AKAP6: variants seen among roughly 807,000 people sequenced by gnomAD.
AKAP6 encodes A-kinase anchor protein 6.
A neutral mutation model predicts 188.5 loss-of-function variants in AKAP6; 58 were observed. The observed-to-expected ratio is 0.31, with a 90% CI of 0.25 to 0.38. The LOEUF is 0.38. Ranked by LOEUF, AKAP6 falls within the 10% of genes least tolerant of loss-of-function variation. The probability of loss-of-function intolerance (pLI) is 1.00; values close to 1 mark genes in which losing one functional copy is unlikely to be tolerated. For synonymous variants in AKAP6, 989 were observed against 998.6 expected (o/e 0.99, Z 0.18); for missense variants, 2,710 against 2,740.0 (o/e 0.99, Z 0.24).
intron 7 of AKAP6, among the ~76,000 whole-genome samples, chr14:32,661,564 T>G (rs1410094778): frequency 6.6e-6 from 1 of 152,082 alleles, no homozygotes; most frequent in Non-Finnish European, 1.5e-5. Flanking sequence ...TTGCAGAAAG[T>G]GACCCAAGTA....
At chr14:32,360,505 T>C (rs1395710081) in intron 1 of AKAP6, among the ~76,000 whole-genome samples, 1 of 152,224 alleles carries the variant, frequency 6.6e-6, no homozygotes, top group South Asian at 2.1e-4. Flanking sequence ...TCACCTGTTA[T>C]ATTGGTGATT....
chr14:32,802,720 T>A (rs2033982897), intron 12 of AKAP6, among the ~76,000 whole-genome samples: 1 of 152,126 alleles, frequency 6.6e-6, no homozygotes, highest in Non-Finnish European at 1.5e-5. Context: ...CCAAAAAAAA[T>A]TGGAAATATG....
rs746159969 is a variant in AKAP6 at position 32,545,239 on chromosome 14, G to T, written c.586G>T (p.Asp196Tyr). The T allele has an allele frequency of 1.2e-6, 2 of 1,611,720 alleles. No homozygotes were observed. The highest frequency in any genetic ancestry group is 2.2e-5 in the East Asian group (1 of 44,800). Reference protein sequence around the residue: ...FSEETKEGRLDSLTEVDDSGQ... With the variant: ...FSEETKEGRLYSLTEVDDSGQ... The stretch of plus-strand genomic sequence containing the variant: ...CCATTGTCTGTTTCAGGGCCGGCTT[G>T]ATTCTCTAACAGAAGTGGATGACTC... Residue 196 changes from aspartate (D) to tyrosine (Y), a missense_variant, in exon 4 of 14, where the codon GAT becomes TAT. By Grantham distance (160) the Asp-to-Tyr change is radical. Coordinates refer to ENST00000280979, the MANE Select transcript of AKAP6 (RefSeq NM_004274.5).
chr14:32,338,308 A>G (rs570578214), intron 1 of AKAP6, among the ~76,000 whole-genome samples: 1 of 152,246 alleles, frequency 6.6e-6, no homozygotes, highest in South Asian at 2.1e-4. Flanking sequence ...GAAGTAGTAA[A>G]TTGAGTGCCA....
intron 12 of AKAP6, among the ~76,000 whole-genome samples, chr14:32,794,015 A>G (rs73256948): frequency 0.19 from 29,349 of 152,014 alleles, 3,777 homozygotes; most frequent in African/African-American, 0.37. Flanking sequence ...ATAGATATCT[A>G]CAGAACTTTC....
chr14:32,549,189 G>T (rs1883341611), intron 4 of AKAP6, among the ~76,000 whole-genome samples: 1 of 152,152 alleles, frequency 6.6e-6, no homozygotes, highest in African/African-American at 2.4e-5. Flanking sequence ...CATGCAGTCT[G>T]CTCCAGAGCC....
At chr14:32,719,066 C>A (rs1323970130) in intron 9 of AKAP6, among the ~76,000 whole-genome samples, 5 of 152,030 alleles carry the variant, frequency 3.3e-5, no homozygotes, top group Non-Finnish European at 7.4e-5. Flanking sequence ...TTTCACTATA[C>A]AGGGATTTGA....
intron 1 of AKAP6, among the ~76,000 whole-genome samples, chr14:32,337,777 G>T (rs1354745759): frequency 6.7e-6 from 1 of 148,532 alleles, no homozygotes; most frequent in Non-Finnish European, 1.5e-5. Context: ...CTGGATAACA[G>T]GATTTTTAAA....
At chr14:32,620,810 G>GT (rs146437719) in intron 7 of AKAP6, among the ~76,000 whole-genome samples, 3,228 of 147,954 alleles carry the variant, frequency 0.022, 77 homozygotes, top group African/African-American at 0.057. Flanking sequence ...TTCACTGGCA[G>GT]TTTTTTTTTT....
intron 7 of AKAP6, among the ~76,000 whole-genome samples, chr14:32,603,901 A>G (rs1384356082): frequency 6.6e-6 from 1 of 152,154 alleles, no homozygotes; most frequent in Non-Finnish European, 1.5e-5. Context: ...TCAACGAGCA[A>G]GAATTATTAT....
chr14:32,824,049 A>G lies in AKAP6; in HGVS notation c.6236A>G (p.Asn2079Ser). The change falls in exon 13 of 14, where the codon AAC becomes AGC. Residue 2079 changes from asparagine to serine, a missense_variant. Physicochemically the swap from Asn to Ser is conservative, Grantham distance 46 (BLOSUM62 1). Around this residue, in one of 2 missense-constraint regions of AKAP6, gnomAD observed 2,473 missense variants for 2,426.1 expected, o/e 1.02. Transcript: ENST00000280979. ...TALKSKSQPE[N>S]EVAAPTSLTQ... Reference sequence around the variant, plus strand: ...CTAAAAAGTAAATCTCAACCTGAAAACGAGGTGGCTGCTCCTACTTCATTA... The same window carrying G: ...CTAAAAAGTAAATCTCAACCTGAAAGCGAGGTGGCTGCTCCTACTTCATTA... 6.2e-7 allele frequency: 1 copy of G among 1,613,902 alleles called. No individual in the cohort carries two copies. The highest frequency in any genetic ancestry group is 1.3e-5 in the African/African-American group (1 of 75,002).
intron 11 of AKAP6, among the ~76,000 whole-genome samples, chr14:32,763,245 T>G (rs1342098025): frequency 6.6e-6 from 1 of 152,144 alleles, no homozygotes; most frequent in Admixed American, 6.5e-5. Context: ...TGTTTCTGAC[T>G]TGCAATTAGA....
intron 2 of AKAP6, among the ~76,000 whole-genome samples, chr14:32,496,689 G>A (rs1880336460): frequency 6.6e-6 from 1 of 152,028 alleles, no homozygotes; most frequent in Non-Finnish European, 1.5e-5. Flanking sequence ...ATGTATTGCA[G>A]CCTCAGGAAT....
At position 32,822,597 on chromosome 14, in the gene AKAP6, C is replaced by T. The variant is rs144199443; in HGVS notation, c.4784C>T (p.Ser1595Phe). ...AGTGACAGCCTCCAGCGAAGCACTT[C>T]TTTAGAAAGTTGGTTGACTTCCTAT... ...NGSDSLQRST[S>F]LESWLTSYKS... Residue 1595 changes from serine to phenylalanine, a missense_variant, in exon 13 of 14, where the codon TCT becomes TTT. Physicochemically the swap from Ser to Phe is radical, Grantham distance 155. Transcript: ENST00000280979. 6.2e-7 allele frequency: 1 copy of T among 1,613,982 alleles called. No homozygotes were observed. The highest frequency in any genetic ancestry group is 1.7e-5 in the Admixed American group (1 of 59,966).
At chr14:32,694,899 G>C (rs1890340087) in intron 8 of AKAP6, among the ~76,000 whole-genome samples, 1 of 152,198 alleles carries the variant, frequency 6.6e-6, no homozygotes, top group Non-Finnish European at 1.5e-5. Flanking sequence ...ACCTGAGGCT[G>C]CTGCCTCATT....
Position 32,824,636 on chromosome 14 carries a change from T to C in AKAP6, c.6823T>C (p.Ser2275Pro). The C allele has an allele frequency of 1.2e-6, 2 of 1,613,858 alleles. No homozygotes were observed. Among genetic ancestry groups the C allele is most frequent in the Admixed American group, 3.3e-5 (2 of 59,932 alleles). The change falls in exon 13 of 14, where the codon TCT (serine) becomes CCT (proline). Residue 2275 changes from serine (S) to proline (P), a missense_variant. Transcript: ENST00000280979. ...PEEHNAASAK[S>P]KVQDLSLKAN... ...AGAACATAATGCTGCTTCAGCCAAA[T>C]CTAAAGTTCAAGACCTCTCCTTGAA...
At chr14:32,641,423 A>G (rs1887749143) in intron 7 of AKAP6, among the ~76,000 whole-genome samples, 2 of 150,656 alleles carry the variant, frequency 1.3e-5, no homozygotes, top group African/African-American at 4.9e-5. Flanking sequence ...GGATTGCCAG[A>G]GCTCAGGAGT....
At chr14:32,677,473 G>C (rs755982888) in intron 7 of AKAP6, among the ~76,000 whole-genome samples, 1 of 152,148 alleles carries the variant, frequency 6.6e-6, no homozygotes, top group Non-Finnish European at 1.5e-5. Flanking sequence ...AGAGTCCTTT[G>C]GTCTACAATG....
At chr14:32,595,210 T>G (rs1158959996) in intron 5 of AKAP6, among the ~76,000 whole-genome samples, 1 of 152,076 alleles carries the variant, frequency 6.6e-6, no homozygotes, top group Non-Finnish European at 1.5e-5. Flanking sequence ...GATCACAGAT[T>G]TGCACCAGCC....
Sources: gnomAD v4.1 joint callset for allele counts (sites outside exome capture counted in the v4.1 genomes callset) on GRCh38, gnomAD v4.1.1 for gene constraint, gnomAD v4.1.1 regional missense constraint, MANE v1.5 for transcripts, NCBI Gene and HGNC (gene_info 2026-07-23, HGNC 2026-07-21) for gene names.